The following CSMD3 variants were observed in gnomAD, a reference collection of about 807,000 sequenced individuals.
CSMD3 encodes CUB and Sushi multiple domains 3, also known as CUB and sushi domain-containing protein 3.
Under a neutral mutation model 435.2 loss-of-function variants are expected in CSMD3, and 177 were observed. The observed-to-expected ratio is 0.41, with a 90% confidence interval of 0.36 to 0.46. The LOEUF (loss-of-function observed/expected upper bound fraction) is 0.46, where lower values mean the gene tolerates loss of function less well. Among genes scored for constraint, CSMD3 ranks in the 20% least tolerant of loss-of-function variants. The pLI is 0.34. For missense variants in CSMD3, 4,265 were observed against 4,504.6 expected (o/e 0.95, Z 1.52); for synonymous variants, 1,656 against 1,520.5 (o/e 1.09, Z -2.07).
At chr8:113,211,144 T>C (rs994057321) in intron 3 of CSMD3, among the ~76,000 whole-genome samples, 2 of 152,178 alleles carry the variant, frequency 1.3e-5, no homozygotes, top group Non-Finnish European at 2.9e-5. Flanking sequence ...ATGACAAATA[T>C]ACTCAAATAT....
chr8:112,468,227 C>G, intron 32 of CSMD3, among the ~76,000 whole-genome samples: 1 of 143,862 alleles, frequency 7.0e-6, no homozygotes, highest in East Asian at 2.0e-4. Context: ...CTCCAATTGC[C>G]TAAAGTATTT....
intron 1 of CSMD3, among the ~76,000 whole-genome samples, chr8:113,360,570 CTTTT>C (rs35009987): frequency 1.1e-4 from 10 of 88,916 alleles, no homozygotes; most frequent in Admixed American, 1.3e-4. Context: ...TGACTTCAGT[CTTTT>C]TTTTTTTTTT....
intron 24 of CSMD3, among the ~76,000 whole-genome samples, chr8:112,566,874 T>G (rs1586698030): frequency 6.6e-6 from 1 of 152,140 alleles, no homozygotes; most frequent in African/African-American, 2.4e-5. Context: ...ACTAATCTTT[T>G]GGACCTATGA....
chr8:112,612,709 CTTTTTTTTTT>C (rs532290154), intron 22 of CSMD3, among the ~76,000 whole-genome samples: 3 of 65,888 alleles, frequency 4.6e-5, no homozygotes, highest in Admixed American at 4.6e-4. Flanking sequence ...TTTCTTTGTT[CTTTTTTTTTT>C]TTTTTTTTTT....
chr8:112,666,143 A>G (rs945407419), intron 17 of CSMD3, 134 bp downstream of exon 17: 4 of 749,134 alleles, frequency 5.3e-6, no homozygotes, highest in Non-Finnish European at 6.9e-6. Flanking sequence ...GGGGGCAAAC[A>G]GATGGAAGCA....
intron 13 of CSMD3, among the ~76,000 whole-genome samples, chr8:112,764,854 C>T (rs1442528243): frequency 6.6e-6 from 1 of 151,476 alleles, no homozygotes; most frequent in Non-Finnish European, 1.5e-5. Flanking sequence ...ATCATTTAGA[C>T]TCTGGGAAGT....
chr8:112,232,762 ATGGATTTGAGC>A (rs1813214460), intron 68 of CSMD3, among the ~76,000 whole-genome samples: 1 of 152,206 alleles, frequency 6.6e-6, no homozygotes, highest in African/African-American at 2.4e-5. Context: ...GCATAGGTCA[ATGGATTTGAGC>A]TTATTTGAGA....
chr8:112,747,952 G>A (rs1182470961), intron 13 of CSMD3, among the ~76,000 whole-genome samples: 3 of 101,836 alleles, frequency 2.9e-5, no homozygotes, highest in African/African-American at 8.2e-5. Context: ...GACAGAACAA[G>A]ACTCCGTCTC....
At chr8:113,057,802 G>A (rs988687459) in intron 5 of CSMD3, among the ~76,000 whole-genome samples, 109 of 151,842 alleles carry the variant, frequency 7.2e-4, no homozygotes, top group African/African-American at 2.5e-3. Flanking sequence ...AATTTTAGAA[G>A]CAATGAGATG....
At chr8:112,826,354 G>A (rs532483828) in intron 12 of CSMD3, among the ~76,000 whole-genome samples, 18 of 152,240 alleles carry the variant, frequency 1.2e-4, no homozygotes, top group South Asian at 6.2e-4. Flanking sequence ...TGAGATGCTG[G>A]CCACCCCTTC....
At chr8:112,334,823 T>C (rs1245484221) in intron 45 of CSMD3, among the ~76,000 whole-genome samples, 1 of 152,192 alleles carries the variant, frequency 6.6e-6, no homozygotes, top group African/African-American at 2.4e-5. Flanking sequence ...GTAAAAGCTA[T>C]GAACTTAATG....
intron 4 of CSMD3, among the ~76,000 whole-genome samples, chr8:113,172,197 C>T (rs2092279931): frequency 6.6e-6 from 1 of 152,258 alleles, no homozygotes; most frequent in Admixed American, 6.5e-5. Flanking sequence ...AGAGTTTTAA[C>T]TTGAAAGTAG....
chr8:112,509,745 G>T (rs1351340017), intron 28 of CSMD3, among the ~76,000 whole-genome samples: 1 of 151,906 alleles, frequency 6.6e-6, no homozygotes, highest in Admixed American at 6.6e-5. Context: ...TCCTTACATG[G>T]TTCTCTTAAT....
intron 16 of CSMD3, among the ~76,000 whole-genome samples, chr8:112,678,916 G>A (rs886490174): frequency 1.3e-5 from 2 of 151,786 alleles, no homozygotes; most frequent in Admixed American, 6.6e-5. Context: ...TGGAGGCTGC[G>A]ATAGTGCCCC....
chr8:113,251,031 A>G (rs2093330574), intron 3 of CSMD3, among the ~76,000 whole-genome samples: 1 of 152,026 alleles, frequency 6.6e-6, no homozygotes, highest in Non-Finnish European at 1.5e-5. Flanking sequence ...AAATGAGTAC[A>G]TGAAGAGTAA....
Position 112,786,839 on chromosome 8 carries a change from A to C in CSMD3, c.1972+13323T>G, listed in dbSNP as rs1172031141. Among the ~76,000 whole-genome samples the C allele has an allele frequency of 7.9e-5, 12 of 152,166 alleles. No homozygotes were observed. In the East Asian group the frequency reaches 2.3e-3, roughly 29 times the overall value. On this transcript the variant is annotated intron_variant, in intron 13 of 70. Transcript: ENST00000297405. Reference sequence around the variant, plus strand: ...TGTCATGGTGGTTTGCTGCATGCATAAACCCAAAATCTACATTAGGTATTT... The same window carrying C: ...TGTCATGGTGGTTTGCTGCATGCATCAACCCAAAATCTACATTAGGTATTT...
intron 42 of CSMD3, among the ~76,000 whole-genome samples, chr8:112,341,039 G>T (rs7826419): frequency 0.1 from 15,708 of 152,014 alleles, 1,900 homozygotes; most frequent in African/African-American, 0.29. Context: ...CATGACAATA[G>T]AACAAAATGA....
At chr8:112,987,677 C>T (rs1163735831) in intron 6 of CSMD3, among the ~76,000 whole-genome samples, 1 of 152,106 alleles carries the variant, frequency 6.6e-6, no homozygotes, top group South Asian at 2.1e-4. Context: ...CTCCCCAATA[C>T]AGTATAGCAT....
intron 45 of CSMD3, among the ~76,000 whole-genome samples, chr8:112,329,139 A>G (rs753984494): frequency 6.6e-6 from 1 of 152,222 alleles, no homozygotes; most frequent in Middle Eastern, 3.4e-3. Flanking sequence ...AGCCCATTAA[A>G]ATCTGAAAAA....
Sources: gnomAD v4.1 joint callset for allele counts (sites outside exome capture counted in the v4.1 genomes callset) on GRCh38, gnomAD v4.1.1 for gene constraint, MANE v1.5 for transcripts, NCBI Gene and HGNC (gene_info 2026-07-23, HGNC 2026-07-21) for gene names.